Variants in TET2 observed in about 807,000 individuals in gnomAD.
TET2 encodes the protein tet methylcytosine dioxygenase 2.
A neutral mutation model predicts 142.9 loss-of-function variants in TET2; 299 were observed. The observed-to-expected ratio is 2.09, with a 90% CI of 1.90 to 2.30. The LOEUF is 2.30. TET2 is among the 30% of genes most tolerant of loss of function. The probability of loss-of-function intolerance (pLI) is 0.00; values close to 1 mark genes in which losing one functional copy is unlikely to be tolerated. For synonymous variants in TET2, 819 were observed against 849.0 expected, an observed-to-expected ratio of 0.96 and a Z score of 0.61; for missense variants, 2,418 against 2,378.0, an observed-to-expected ratio of 1.02 and a Z score of -0.35.
intron 1 of TET2, among the ~76,000 whole-genome samples, chr4:105,186,730 C>T (rs993904528): frequency 2.0e-5 from 3 of 152,022 alleles, no homozygotes; most frequent in African/African-American, 7.2e-5. Flanking sequence ...CCTTGGCCTC[C>T]CAAAGTGCTG....
At chr4:105,199,343 G>A (rs773022643) in intron 2 of TET2, among the ~76,000 whole-genome samples, 19 of 152,056 alleles carry the variant, frequency 1.2e-4, no homozygotes, top group Admixed American at 2.6e-4. Flanking sequence ...AAGTTAGTCC[G>A]CAAAGGTTTT....
intron 2 of TET2, among the ~76,000 whole-genome samples, chr4:105,204,266 CACAT>C (rs773109855): frequency 0.058 from 8,125 of 139,754 alleles, 317 homozygotes; most frequent in Non-Finnish European, 0.081. Context: ...CACACACACA[CACAT>C]ACATACATAC....
chr4:105,202,496 A>G (rs1726545286), intron 2 of TET2: 1 of 152,132 alleles, frequency 6.6e-6, no homozygotes, highest in Non-Finnish European at 1.5e-5. Context: ...TAATTCGCAA[A>G]TTTATTTTTT....
chr4:105,224,047 G>A (rs1021573974), intron 2 of TET2, among the ~76,000 whole-genome samples: 2 of 150,228 alleles, frequency 1.3e-5, no homozygotes, highest in South Asian at 4.3e-4. Context: ...TTATAGTATG[G>A]CAACTATACA....
Sources: allele counts gnomAD v4.1 joint callset (sites outside exome capture counted in the v4.1 genomes callset), GRCh38; gene constraint gnomAD v4.1.1; transcripts MANE v1.5; gene names NCBI Gene and HGNC (gene_info 2026-07-23, HGNC 2026-07-21).